Variants in SGMS1 observed in about 807,000 individuals in gnomAD.
SGMS1 encodes the protein sphingomyelin synthase 1, also known as phosphatidylcholine:ceramide cholinephosphotransferase 1.
A neutral mutation model predicts 46.2 loss-of-function variants in SGMS1; 13 were observed. That is an observed-to-expected ratio of 0.28 (90% CI 0.18 to 0.45). The LOEUF is 0.45. Among genes scored for constraint, SGMS1 ranks in the 20% least tolerant of loss-of-function variants. The pLI, the probability that SGMS1 is intolerant of heterozygous loss-of-function variation, is 1.00. For missense variants in SGMS1, 324 were observed against 519.9 expected, an observed-to-expected ratio of 0.62 and a Z score of 3.66; for synonymous variants, 203 against 187.8, an observed-to-expected ratio of 1.08 and a Z score of -0.66.
chr10:50,426,527 C>T (rs1341604011), intron 6 of SGMS1, among the ~76,000 whole-genome samples: 1 of 152,238 alleles, frequency 6.6e-6, no homozygotes, highest in Non-Finnish European at 1.5e-5. Flanking sequence ...TCTGAGTTCA[C>T]CTTCCCTTGT....
At chr10:50,584,242 G>A (rs1838461008) in intron 2 of SGMS1, among the ~76,000 whole-genome samples, 1 of 152,124 alleles carries the variant, frequency 6.6e-6, no homozygotes, top group East Asian at 1.9e-4. Context: ...GCTCACACCT[G>A]TAATCCCAGC....
At chr10:50,359,854 C>T (rs1458505254) in intron 6 of SGMS1, among the ~76,000 whole-genome samples, 1 of 152,068 alleles carries the variant, frequency 6.6e-6, no homozygotes, top group Non-Finnish European at 1.5e-5. Context: ...AAATGTATTA[C>T]TTTTGTAAAC....
chr10:50,528,943 G>C (rs1028094122), intron 2 of SGMS1, among the ~76,000 whole-genome samples: 1 of 152,232 alleles, frequency 6.6e-6, no homozygotes, highest in African/African-American at 2.4e-5. Context: ...AGTTCAGTCA[G>C]AATGTCCCTT....
chr10:50,498,517 C>T (rs778169241), intron 3 of SGMS1, among the ~76,000 whole-genome samples: 1 of 152,144 alleles, frequency 6.6e-6, no homozygotes, highest in Non-Finnish European at 1.5e-5. Flanking sequence ...TACTTTCTGT[C>T]TTTATGAATA....
At chr10:50,317,932 T>G (rs1459375184) in intron 8 of SGMS1, among the ~76,000 whole-genome samples, 1 of 151,854 alleles carries the variant, frequency 6.6e-6, no homozygotes, top group Non-Finnish European at 1.5e-5. Context: ...GCCTCCCAAG[T>G]AGCTGGGATT....
At chr10:50,614,062 T>C (rs1156657098) in intron 1 of SGMS1, among the ~76,000 whole-genome samples, 1 of 152,128 alleles carries the variant, frequency 6.6e-6, no homozygotes, top group African/African-American at 2.4e-5. Context: ...TTTTAATTTG[T>C]CTGTGCCTAA....
At chr10:50,567,027 A>G (rs2131850645) in intron 2 of SGMS1, among the ~76,000 whole-genome samples, 1 of 151,942 alleles carries the variant, frequency 6.6e-6, no homozygotes, top group East Asian at 1.9e-4. Context: ...GCTCACTGCA[A>G]TCTCCACCTC....
At chr10:50,331,991 T>C (rs1371473033) in intron 7 of SGMS1, among the ~76,000 whole-genome samples, 1 of 152,182 alleles carries the variant, frequency 6.6e-6, no homozygotes, top group Non-Finnish European at 1.5e-5. Flanking sequence ...CTGAACAGAC[T>C]AAGGTAGCTT....
At position 50,468,036 on chromosome 10, in the gene SGMS1, C is replaced by T. The variant is rs1036485925; in HGVS notation, c.-497-1104G>A. ...GGGGAGAGAAGGGAGTGGGGAGGGA[C>T]GGTGGCCTTCTTTCTATAGGTACAG... On this transcript the variant is annotated intron_variant, in intron 3 of 10. Transcript: ENST00000361781. 2.0e-4 allele frequency among the ~76,000 whole-genome samples: 30 copies of T among 152,048 alleles called. 1 individual carries two copies. The highest frequency in any genetic ancestry group is 3.4e-4 in the Non-Finnish European group (23 of 67,986).
chr10:50,400,278 T>C (rs1848913280), intron 6 of SGMS1, among the ~76,000 whole-genome samples: 2 of 151,562 alleles, frequency 1.3e-5, no homozygotes, highest in South Asian at 4.2e-4. Context: ...AATAAATTAC[T>C]CACCCACTCT....
chr10:50,595,439 A>G (rs1838582273), intron 1 of SGMS1, among the ~76,000 whole-genome samples: 5 of 152,196 alleles, frequency 3.3e-5, no homozygotes, highest in Admixed American at 6.5e-5. Flanking sequence ...CAGCCTCCCA[A>G]TGTGCTGGGA....
At chr10:50,621,471 G>A (rs1305093364) in intron 1 of SGMS1, among the ~76,000 whole-genome samples, 2 of 152,122 alleles carry the variant, frequency 1.3e-5, no homozygotes, top group Non-Finnish European at 2.9e-5. Flanking sequence ...TATTAATACA[G>A]ACTTAAAAAT....
chr10:50,508,870 T>A (rs1291740767), intron 3 of SGMS1, among the ~76,000 whole-genome samples: 1 of 152,178 alleles, frequency 6.6e-6, no homozygotes, highest in Non-Finnish European at 1.5e-5. Flanking sequence ...TCCTTAGAGA[T>A]CTCCCCTGTT....
chr10:50,602,178 G>C (rs1289625254), intron 1 of SGMS1, among the ~76,000 whole-genome samples: 1 of 152,138 alleles, frequency 6.6e-6, no homozygotes, highest in East Asian at 1.9e-4. Context: ...TCCAAACACT[G>C]TTCCCACTGC....
intron 6 of SGMS1, among the ~76,000 whole-genome samples, chr10:50,345,470 AT>A (rs1408181265): frequency 6.6e-6 from 1 of 152,210 alleles, no homozygotes; most frequent in African/African-American, 2.4e-5. Flanking sequence ...TTTACTAACT[AT>A]GTGAAAATAA....
intron 2 of SGMS1, among the ~76,000 whole-genome samples, chr10:50,524,789 A>C (rs1837887040): frequency 6.6e-6 from 1 of 152,222 alleles, no homozygotes; most frequent in African/African-American, 2.4e-5. Flanking sequence ...TAGTTGAAAA[A>C]TTAACAGCAT....
chr10:50,439,862 C>A (rs773087662), intron 5 of SGMS1, among the ~76,000 whole-genome samples: 1 of 152,162 alleles, frequency 6.6e-6, no homozygotes, highest in Non-Finnish European at 1.5e-5. Flanking sequence ...GATGTCTACT[C>A]CACTGCTTTA....
intron 5 of SGMS1, among the ~76,000 whole-genome samples, chr10:50,459,696 G>A (rs1337525582): frequency 2.6e-5 from 4 of 152,150 alleles, no homozygotes; most frequent in East Asian, 1.9e-4. Context: ...GAGCCACCAC[G>A]CCCAGCTGAA....
intron 2 of SGMS1, among the ~76,000 whole-genome samples, chr10:50,558,796 T>A (rs1345487165): frequency 6.6e-6 from 1 of 152,222 alleles, no homozygotes; most frequent in African/African-American, 2.4e-5. Context: ...TATATTTTCT[T>A]TCATGATTTT....
Sources: gnomAD v4.1 joint callset for allele counts (sites outside exome capture counted in the v4.1 genomes callset) on GRCh38, gnomAD v4.1.1 for gene constraint, MANE v1.5 for transcripts, NCBI Gene and HGNC (gene_info 2026-07-23, HGNC 2026-07-21) for gene names.